Variants in RC3H1 observed in about 807,000 individuals in gnomAD.
The protein encoded by RC3H1 is ring finger and CCCH-type domains 1, also known as roquin-1.
RC3H1 carries 50 observed loss-of-function variants against 138.2 expected under a neutral mutation model. The ratio of observed to expected loss-of-function variants is 0.36; its 90% confidence interval spans 0.29 to 0.46. The LOEUF (loss-of-function observed/expected upper bound fraction) is 0.46, where lower values mean the gene tolerates loss of function less well. RC3H1 is among the 20% of genes least tolerant of loss of function. The pLI, the probability that RC3H1 is intolerant of heterozygous loss-of-function variation, is 1.00. For synonymous variants in RC3H1, 462 were observed against 489.1 expected (o/e 0.94, Z 0.73); for missense variants, 1,031 against 1,388.1 (o/e 0.74, Z 4.09).
intron 18 of RC3H1, 24 bp from the exon 19 acceptor site, chr1:173,941,404 T>C (rs1420549183): frequency 7.0e-7 from 1 of 1,425,288 alleles, no homozygotes; most frequent in East Asian, 2.3e-5. Context: ...GGAAATAAAA[T>C]CAGTTATCAT....
chr1:173,991,422 GT>G (rs1302765883), intron 2 of RC3H1, among the ~76,000 whole-genome samples: 1 of 152,104 alleles, frequency 6.6e-6, no homozygotes, highest in Non-Finnish European at 1.5e-5. Flanking sequence ...GAATGAGATT[GT>G]TTTTATTTTT....
chr1:173,997,636 T>C (rs1661485707), intron 1 of RC3H1, among the ~76,000 whole-genome samples: 1 of 152,174 alleles, frequency 6.6e-6, no homozygotes, highest in African/African-American at 2.4e-5. Context: ...GACACAACTA[T>C]AAACAACTTG....
intron 14 of RC3H1, among the ~76,000 whole-genome samples, chr1:173,951,327 C>T (rs879855917): frequency 6.6e-6 from 1 of 151,470 alleles, no homozygotes; most frequent in Non-Finnish European, 1.5e-5. Flanking sequence ...CTCCATCCCC[C>T]CCCCAAAAAA....
intron 14 of RC3H1, among the ~76,000 whole-genome samples, chr1:173,949,185 A>C (rs1659276573): frequency 6.7e-6 from 1 of 148,428 alleles, no homozygotes; most frequent in Non-Finnish European, 1.5e-5. Flanking sequence ...ATATCACTTC[A>C]CTCATTTACA....
chr1:173,941,978 C>T (rs967599250), intron 18 of RC3H1, among the ~76,000 whole-genome samples: 4 of 149,632 alleles, frequency 2.7e-5, no homozygotes, highest in African/African-American at 9.8e-5. Context: ...GTGGCTCACA[C>T]CAGTAATCCC....
chr1:173,952,235 A>G (rs1659437234), intron 13 of RC3H1, 97 bp from the exon 14 acceptor site: 2 of 815,126 alleles, frequency 2.5e-6, no homozygotes, highest in Non-Finnish European at 1.7e-6. Flanking sequence ...AAAGCAGGGA[A>G]TTTCTTAGAA....
rs1658645687 is a variant in RC3H1 at position 173,937,349 on chromosome 1, C to T, written c.*1372G>A. On this transcript the variant is annotated 3_prime_UTR_variant, in exon 20 of 20. Transcript: ENST00000367696. ...AGCAATGTAGTAACTTATTACATAA[C>T]CAGTGCTTTCTAATTTAGTAGTAAA... 1 of 151,960 alleles carries T rather than the reference C, an allele frequency of 6.6e-6. No individual in the cohort carries two copies. The highest frequency in any genetic ancestry group is 6.6e-5 in the Admixed American group (1 of 15,210). 9.4% of individuals were successfully genotyped at this position (151,960 alleles called of 1,614,324 possible).
intron 1 of RC3H1, among the ~76,000 whole-genome samples, chr1:173,994,547 C>T (rs1248724471): frequency 1.3e-5 from 2 of 152,024 alleles, no homozygotes; most frequent in African/African-American, 4.8e-5. Flanking sequence ...GCCTATAATT[C>T]CAGCACTTTC....
intron 1 of RC3H1, among the ~76,000 whole-genome samples, chr1:174,007,331 A>C (rs1433639844): frequency 1.3e-5 from 2 of 151,696 alleles, no homozygotes; most frequent in African/African-American, 4.8e-5. Context: ...CGGAGCTTGC[A>C]GTGAGCCGAG....
At chr1:173,947,118 AGCTATTTGG>A (rs1175753366) in intron 15 of RC3H1, among the ~76,000 whole-genome samples, 2 of 152,190 alleles carry the variant, frequency 1.3e-5, no homozygotes, top group Non-Finnish European at 2.9e-5. Flanking sequence ...ATAACAATTA[AGCTATTTGG>A]GGTGGGGGTG....
rs1032539093 is a variant in RC3H1, at chr1:174,022,145, TCGCCACCGCCGCGGCAGCCGC to T, written c.-221_-201del. On this transcript the variant is annotated 5_prime_UTR_variant, in exon 1 of 20. Transcript: ENST00000367696. This position sits in a 1 kb window ranked among gnomAD's most constrained non-coding sequence, Gnocchi z 4.2. ...TCTCAGCTCCGAGTCCCCGCGGCCG[TCGCCACCGCCGCGGCAGCCGC>T]CGCCGCCGCCGAGGCCACCGTTGAC... The T allele has an allele frequency of 4.0e-5, 16 of 395,808 alleles. No homozygotes were observed. The highest frequency in any genetic ancestry group is 5.8e-5 in the Non-Finnish European group (13 of 224,852). The allele number at this position is 395,808 out of a possible 1,614,324, so 24.5% of individuals were successfully genotyped here.
At chr1:173,951,695 CTTAA>C (rs1309313301) in intron 14 of RC3H1, among the ~76,000 whole-genome samples, 1 of 151,962 alleles carries the variant, frequency 6.6e-6, no homozygotes, top group Non-Finnish European at 1.5e-5. Context: ...AGTCCAAGAT[CTTAA>C]TTAATTATGT....
At chr1:173,984,461 A>C (rs1660942356) in intron 3 of RC3H1, 38 bp downstream of exon 3, 1 of 1,597,626 alleles carries the variant, frequency 6.3e-7, no homozygotes, top group South Asian at 1.1e-5. Context: ...TTAAAAAAGC[A>C]GTTTTACTCT....
At chr1:173,952,172 A>T (rs766672377) in intron 13 of RC3H1, 34 bp from the exon 14 acceptor site, 14 of 1,491,922 alleles carry the variant, frequency 9.4e-6, no homozygotes, top group Admixed American at 2.4e-5. Flanking sequence ...ACAAAAAAAA[A>T]AAAAAGAGAA....
intron 14 of RC3H1, among the ~76,000 whole-genome samples, chr1:173,951,587 C>A (rs1331611716): frequency 6.6e-6 from 1 of 151,960 alleles, no homozygotes; most frequent in Non-Finnish European, 1.5e-5. Context: ...GTCACCCAGG[C>A]TGGAGTGCAG....
At chr1:173,954,336 A>G (rs1000189822) in intron 13 of RC3H1, among the ~76,000 whole-genome samples, 3 of 152,206 alleles carry the variant, frequency 2.0e-5, no homozygotes, top group Admixed American at 6.5e-5. Flanking sequence ...AAAGACAAAT[A>G]TTTCATGTTC....
chr1:173,984,425 C>T lies in RC3H1; in HGVS notation c.352+74G>A, dbSNP rs1257274625. Reference sequence around the variant, plus strand: ...TAGGTTTTTTGGGAATTCCTCAGGACTTATATAGGATTATGTACTGAGTAT... The same window carrying T: ...TAGGTTTTTTGGGAATTCCTCAGGATTTATATAGGATTATGTACTGAGTAT... On this transcript the variant is annotated intron_variant, in intron 3 of 19. Transcript: ENST00000367696. The T allele has an allele frequency of 2.1e-6, 3 of 1,424,616 alleles. No individual in the cohort carries two copies. The Admixed American group carries it at 7.3e-5, about 34-fold the overall frequency. The allele number at this position is 1,424,616 out of a possible 1,614,324, so 88.2% of individuals were successfully genotyped here. A position where few individuals can be genotyped will look rare whatever the true frequency, so the allele number is the denominator to read the frequency against.
intron 7 of RC3H1, among the ~76,000 whole-genome samples, chr1:173,973,663 G>T (rs1008138466): frequency 6.6e-6 from 1 of 152,068 alleles, no homozygotes; most frequent in Non-Finnish European, 1.5e-5. Flanking sequence ...TAACTATAAG[G>T]CTAAATATAT....
At chr1:173,948,034 C>T (rs946266255) in intron 14 of RC3H1, among the ~76,000 whole-genome samples, 1 of 152,090 alleles carries the variant, frequency 6.6e-6, no homozygotes, top group Non-Finnish European at 1.5e-5. Context: ...TAAGCCACTG[C>T]ACCTGGCCTA....
Sources: allele counts gnomAD v4.1 joint callset (sites outside exome capture counted in the v4.1 genomes callset), GRCh38; gene constraint gnomAD v4.1.1; non-coding constraint Gnocchi (gnomAD v3.1); transcripts MANE v1.5; gene names NCBI Gene and HGNC (gene_info 2026-07-23, HGNC 2026-07-21).